Variants in MPP1 observed in about 807,000 individuals in gnomAD.
The protein encoded by MPP1 is MAGUK p55 scaffold protein 1.
In MPP1, 6 loss-of-function variants were observed where a neutral mutation model predicts 38.2. That is an observed-to-expected ratio of 0.16 (90% CI 0.09 to 0.31). The LOEUF (loss-of-function observed/expected upper bound fraction) is 0.31, where lower values mean the gene tolerates loss of function less well. MPP1 is among the 10% of genes least tolerant of loss of function. The pLI is 1.00. For missense variants in MPP1, 293 were observed against 368.9 expected, an observed-to-expected ratio of 0.79 and a Z score of 1.69; for synonymous variants, 153 against 146.3, an observed-to-expected ratio of 1.05 and a Z score of -0.33.
At chrX:154,796,487 A>G (rs2072199874) in intron 1 of MPP1, among the ~76,000 whole-genome samples, 1 of 111,578 alleles carries the variant, frequency 9.0e-6, no homozygotes, top group Non-Finnish European at 1.9e-5. Context: ...GACCAAGGAG[A>G]GTTGAGACAG....
intron 1 of MPP1, among the ~76,000 whole-genome samples, chrX:154,803,602 T>C (rs1194082989): frequency 8.9e-6 from 1 of 112,401 alleles, no homozygotes; most frequent in Non-Finnish European, 1.9e-5. Flanking sequence ...TCTATTTATA[T>C]AAAATTCCAG....
chrX:154,779,496 G>C, intron 11 of MPP1, 143 bp from the exon 12 acceptor site: 3 of 544,721 alleles, frequency 5.5e-6, no homozygotes, highest in Non-Finnish European at 8.6e-6. Context: ...CATTGTGAAA[G>C]AATGTTAATG....
chrX:154,781,529 C>T (rs1557266627), intron 10 of MPP1, 71 bp downstream of exon 10: 3 of 1,103,381 alleles, frequency 2.7e-6, no homozygotes, highest in African/African-American at 3.6e-5. Flanking sequence ...AGAAGATTCC[C>T]AAGGAGCACT....
At chrX:154,783,851 G>T in intron 8 of MPP1, 177 bp downstream of exon 8, 1 of 452,223 alleles carries the variant, frequency 2.2e-6, no homozygotes, top group Non-Finnish European at 3.9e-6. Context: ...TTTCATTTGT[G>T]AGGTGGACCC....
chrX:154,803,142 C>T (rs2072284314), intron 1 of MPP1, among the ~76,000 whole-genome samples: 1 of 111,993 alleles, frequency 8.9e-6, no homozygotes, highest in Non-Finnish European at 1.9e-5. Context: ...AGCAGCTTGC[C>T]CAAAACCATG....
intron 9 of MPP1, chrX:154,782,661 A>C (rs1557266753): frequency 8.9e-6 from 1 of 112,760 alleles, no homozygotes; most frequent in Non-Finnish European, 1.9e-5. Flanking sequence ...GTAATTCCTC[A>C]CTTAATATTA....
At chrX:154,797,109 T>C (rs899968028) in intron 1 of MPP1, among the ~76,000 whole-genome samples, 3 of 112,269 alleles carry the variant, frequency 2.7e-5, no homozygotes, top group Non-Finnish European at 5.6e-5. Flanking sequence ...TTCGACCACA[T>C]GTCTCTGTTT....
At chrX:154,791,643 T>C (rs2072142874) in intron 3 of MPP1, 126 bp downstream of exon 3, 1 of 573,769 alleles carries the variant, frequency 1.7e-6, no homozygotes, top group Admixed American at 3.3e-5. Flanking sequence ...CCACAAAAAG[T>C]CTCTTGGCAC....
At position 154,779,243 on chromosome X, in the gene MPP1, T is replaced by G. The variant is rs1569558719; in HGVS notation, c.1335A>C (p.Lys445Asn). Residue 445 changes from lysine to asparagine, a missense_variant, in exon 12 of 12, where the codon AAA becomes AAC. By Grantham distance (94) the Lys-to-Asn change is moderately conservative. Coordinates refer to ENST00000369534, the MANE Select transcript of MPP1 (RefSeq NM_002436.4). ...VNNGVDETLK[K>N]LQEAFDQACS... ...ACGCTTGGTCGAAGGCTTCTTGTAA[T>G]TTCTTAAGGGTTTCATCAACACCAT... 1.7e-6 allele frequency: 2 copies of G among 1,211,634 alleles called. No individual in the cohort carries two copies. The highest frequency in any genetic ancestry group is 1.8e-5 in the South Asian group (1 of 56,979).
At chrX:154,798,798 G>A (rs1238132801) in intron 1 of MPP1, among the ~76,000 whole-genome samples, 2 of 111,376 alleles carry the variant, frequency 1.8e-5, no homozygotes, top group South Asian at 3.8e-4. Flanking sequence ...GCAATGGCAC[G>A]ATCTCGGCTC....
intron 11 of MPP1, 135 bp from the exon 12 acceptor site, chrX:154,779,488 T>C (rs782363294): frequency 6.9e-6 from 4 of 576,366 alleles, no homozygotes; most frequent in East Asian, 3.6e-5. Context: ...TCAGAAGACA[T>C]TGTGAAAGAA....
At chrX:154,801,785 A>AAAAAAAAAAAAAAAG (rs2072268412) in intron 1 of MPP1, among the ~76,000 whole-genome samples, 1 of 72,814 alleles carries the variant, frequency 1.4e-5, no homozygotes, top group African/African-American at 6.8e-5. Context: ...AAAAAAAAAA[A>AAAAAAAAAAAAAAAG]ACAAAAAACA....
chrX:154,799,289 G>T (rs1557268420), intron 1 of MPP1, among the ~76,000 whole-genome samples: 2 of 111,698 alleles, frequency 1.8e-5, no homozygotes, highest in East Asian at 5.6e-4. Context: ...TTCCAACGTG[G>T]TAACTAAAGT....
intron 1 of MPP1, among the ~76,000 whole-genome samples, chrX:154,794,217 C>A (rs1373185810): frequency 9.0e-6 from 1 of 111,165 alleles, no homozygotes; most frequent in Non-Finnish European, 1.9e-5. Context: ...AAGTGGATAC[C>A]CTACATCAAT....
At position 154,781,745 on chromosome X, in the gene MPP1, G is replaced by A. The variant is rs1557266677; in HGVS notation, c.1004C>T (p.Ser335Leu). 1.7e-6 allele frequency: 2 copies of A among 1,211,957 alleles called. No homozygotes were observed. The highest frequency in any genetic ancestry group is 2.2e-6 in the Non-Finnish European group (2 of 895,506). The change falls in exon 10 of 12, where the codon TCA becomes TTA. Residue 335 changes from serine (S) to leucine (L), a missense_variant. Coordinates refer to ENST00000369534, the MANE Select transcript of MPP1 (RefSeq NM_002436.4). ...GATGTTCCTCGTCATCTCCTCCGTT[G>A]AGATAAAGTGGTACTCCTTCCCATC... ...EEDGKEYHFI[S>L]TEEMTRNISA...
intron 7 of MPP1, 59 bp downstream of exon 7, chrX:154,784,992 G>A (rs1557267049): frequency 9.4e-7 from 1 of 1,068,762 alleles, no homozygotes; most frequent in Non-Finnish European, 1.3e-6. Flanking sequence ...TGGTTACAGA[G>A]ACTGGGAAAC....
At chrX:154,798,883 C>T (rs1283407507) in intron 1 of MPP1, among the ~76,000 whole-genome samples, 2 of 110,953 alleles carry the variant, frequency 1.8e-5, no homozygotes, top group African/African-American at 6.6e-5. Context: ...TACAGGCATG[C>T]ACCACCACGC....
intron 1 of MPP1, among the ~76,000 whole-genome samples, chrX:154,798,838 G>T (rs1031321630): frequency 9.0e-6 from 1 of 111,442 alleles, no homozygotes; most frequent in Non-Finnish European, 1.9e-5. Flanking sequence ...GGATTCAAGC[G>T]ATTCTCCTGC....
intron 1 of MPP1, among the ~76,000 whole-genome samples, chrX:154,800,698 G>A (rs1271025129): frequency 1.8e-5 from 2 of 112,529 alleles, no homozygotes; most frequent in East Asian, 5.6e-4. Context: ...ACCTGTCTGA[G>A]CTTAAAGGAT....
Sources: gnomAD v4.1 joint callset for allele counts (sites outside exome capture counted in the v4.1 genomes callset) on GRCh38, gnomAD v4.1.1 for gene constraint, MANE v1.5 for transcripts, NCBI Gene and HGNC (gene_info 2026-07-23, HGNC 2026-07-21) for gene names.